IQSEC1: variants seen among roughly 807,000 people sequenced by gnomAD.
The protein encoded by IQSEC1 is IQ motif and Sec7 domain ArfGEF 1.
In IQSEC1, 31 loss-of-function variants were observed where a neutral mutation model predicts 91.0. The observed-to-expected ratio is 0.34, with a 90% CI of 0.26 to 0.46. IQSEC1 has a LOEUF of 0.46. Ranked by LOEUF, IQSEC1 falls within the 20% of genes least tolerant of loss-of-function variation. The pLI is 1.00. For synonymous variants in IQSEC1, 699 were observed against 662.6 expected, an observed-to-expected ratio of 1.05 and a Z score of -0.84; for missense variants, 1,388 against 1,575.6, an observed-to-expected ratio of 0.88 and a Z score of 2.02.
At chr3:12,959,205 C>T (rs1559674309) in intron 1 of IQSEC1, among the ~76,000 whole-genome samples, 1 of 152,176 alleles carries the variant, frequency 6.6e-6, no homozygotes, top group East Asian at 1.9e-4. Flanking sequence ...CAGGGACCCC[C>T]AGTGCTGAAT....
intron 1 of IQSEC1, among the ~76,000 whole-genome samples, chr3:13,236,286 G>C (rs1200047977): frequency 6.6e-6 from 1 of 152,160 alleles, no homozygotes; most frequent in Non-Finnish European, 1.5e-5. Flanking sequence ...GTCCCCCAAG[G>C]CTGCATCCTT....
rs1341211276 is a variant in IQSEC1, at chr3:12,897,958, A to C, written c.*3025T>G. 2.0e-5 allele frequency: 3 copies of C among 152,218 alleles called. No individual in the cohort carries two copies. Among genetic ancestry groups the C allele is most frequent in the Non-Finnish European group, 4.4e-5 (3 of 68,030 alleles). 9.4% of individuals were successfully genotyped at this position (152,218 alleles called of 1,614,324 possible). Reference sequence around the variant, plus strand: ...TAAAAAAATACAAATACATGATTTGATTGTTGTCCCAGAAAAGACTTTTGT... The same window carrying C: ...TAAAAAAATACAAATACATGATTTGCTTGTTGTCCCAGAAAAGACTTTTGT... On this transcript the variant is annotated 3_prime_UTR_variant, in exon 14 of 14. Coordinates refer to ENST00000613206, the MANE Select transcript of IQSEC1 (RefSeq NM_001134382.3).
intron 1 of IQSEC1, among the ~76,000 whole-genome samples, chr3:13,218,984 A>G (rs1694601484): frequency 6.6e-6 from 1 of 152,028 alleles, no homozygotes; most frequent in African/African-American, 2.4e-5. Flanking sequence ...CTGCACGTGC[A>G]CCCAAAATGC....
At chr3:13,025,350 A>G (rs576896043) in intron 1 of IQSEC1, among the ~76,000 whole-genome samples, 96 of 152,374 alleles carry the variant, frequency 6.3e-4, no homozygotes, top group Non-Finnish European at 1.0e-3. Context: ...CGCCCAGGCA[A>G]AGGGAAGGAC....
intron 1 of IQSEC1, among the ~76,000 whole-genome samples, chr3:13,025,909 C>T (rs1703594839): frequency 1.3e-5 from 2 of 152,212 alleles, no homozygotes; most frequent in Admixed American, 6.5e-5. Flanking sequence ...AAGTGGCCCC[C>T]ACTCCATCAC....
chr3:12,905,553 G>C lies in IQSEC1; in HGVS notation c.2756-2731C>G, dbSNP rs549734019. Reference sequence around the variant, plus strand: ...ACCGCTAGAGAGGGCAGGCGGAGGTGGGGGATGAGCTCAGGCTGTCTGATT... The same window carrying C: ...ACCGCTAGAGAGGGCAGGCGGAGGTCGGGGATGAGCTCAGGCTGTCTGATT... On this transcript the variant is annotated intron_variant, in intron 12 of 13. Transcript: ENST00000613206. 4.6e-5 allele frequency among the ~76,000 whole-genome samples: 7 copies of C among 152,380 alleles called. 1 individual carries two copies. In the South Asian group the frequency reaches 6.2e-4, roughly 14 times the overall value.
chr3:13,252,666 A>C (rs991062416), intron 1 of IQSEC1, among the ~76,000 whole-genome samples: 10 of 152,160 alleles, frequency 6.6e-5, no homozygotes, highest in Admixed American at 6.5e-4. Flanking sequence ...CCAGCAAGGC[A>C]CAAGGGTTCC....
At chr3:12,906,202 G>T (rs1011298116) in intron 12 of IQSEC1, among the ~76,000 whole-genome samples, 3 of 152,218 alleles carry the variant, frequency 2.0e-5, no homozygotes, top group African/African-American at 7.2e-5. Flanking sequence ...TGCCCCAGGA[G>T]CAGTGACGTG....
intron 2 of IQSEC1, among the ~76,000 whole-genome samples, chr3:13,121,231 G>A (rs1358371448): frequency 1.3e-5 from 2 of 152,196 alleles, no homozygotes; most frequent in Non-Finnish European, 2.9e-5. Flanking sequence ...GTTACGACAG[G>A]ACCCCATGGC....
intron 1 of IQSEC1, among the ~76,000 whole-genome samples, chr3:13,254,496 A>G: frequency 6.6e-6 from 1 of 152,238 alleles, no homozygotes; most frequent in Non-Finnish European, 1.5e-5. Context: ...CCCCTGCACA[A>G]AGGTGTTAGT....
intron 1 of IQSEC1, among the ~76,000 whole-genome samples, chr3:13,195,919 C>T (rs1694115911): frequency 6.6e-6 from 1 of 152,240 alleles, no homozygotes; most frequent in Non-Finnish European, 1.5e-5. Flanking sequence ...TAAAATGTTA[C>T]CATTGGAGGA....
chr3:12,982,492 G>A (rs1287735044), intron 1 of IQSEC1, among the ~76,000 whole-genome samples: 1 of 152,212 alleles, frequency 6.6e-6, no homozygotes, highest in South Asian at 2.1e-4. Context: ...GCTGCTTGTT[G>A]TTATTTAAAT....
intron 1 of IQSEC1, among the ~76,000 whole-genome samples, chr3:13,192,258 A>AC (rs1694048491): frequency 1.4e-5 from 2 of 148,024 alleles, no homozygotes; most frequent in South Asian, 4.3e-4. Context: ...AAATGGCGTG[A>AC]CCCCGGGAGG....
At chr3:13,232,106 G>GT (rs760350280) in intron 1 of IQSEC1, among the ~76,000 whole-genome samples, 21 of 152,210 alleles carry the variant, frequency 1.4e-4, no homozygotes, top group African/African-American at 4.1e-4. Context: ...CACTGTACTG[G>GT]TTTTTTTATA....
intron 1 of IQSEC1, among the ~76,000 whole-genome samples, chr3:13,188,154 G>C (rs540059382): frequency 8.5e-5 from 13 of 152,318 alleles, no homozygotes; most frequent in African/African-American, 2.9e-4. Flanking sequence ...ACTGCTTCTA[G>C]TTGTCCCTCC....
At chr3:13,069,253 C>T (rs1382317675) in intron 1 of IQSEC1, among the ~76,000 whole-genome samples, 1 of 152,198 alleles carries the variant, frequency 6.6e-6, no homozygotes, top group East Asian at 1.9e-4. Flanking sequence ...CTCCCTGCAT[C>T]TCTCTCGGTG....
intron 1 of IQSEC1, among the ~76,000 whole-genome samples, chr3:13,052,033 A>G (rs143019242): frequency 0.013 from 2,044 of 152,322 alleles, 49 homozygotes; most frequent in African/African-American, 0.046. Context: ...GCAGTACACC[A>G]TCAATGCTAG....
chr3:13,141,869 T>C (rs1010381175), intron 2 of IQSEC1, among the ~76,000 whole-genome samples: 14 of 152,218 alleles, frequency 9.2e-5, no homozygotes, highest in Non-Finnish European at 1.9e-4. Flanking sequence ...CCTCTCCCTG[T>C]GGCTTCTCGT....
chr3:12,934,120 T>C (rs1017116019), intron 3 of IQSEC1, among the ~76,000 whole-genome samples: 4 of 152,104 alleles, frequency 2.6e-5, no homozygotes, highest in Non-Finnish European at 4.4e-5. Flanking sequence ...GATGCAACCC[T>C]CCCCTGTCCA....
Sources: gnomAD v4.1 joint callset for allele counts (sites outside exome capture counted in the v4.1 genomes callset) on GRCh38, gnomAD v4.1.1 for gene constraint, MANE v1.5 for transcripts, NCBI Gene and HGNC (gene_info 2026-07-23, HGNC 2026-07-21) for gene names.